OPN3: variants seen among roughly 807,000 people sequenced by gnomAD.
OPN3 encodes the protein opsin-3.
OPN3 carries 29 observed loss-of-function variants against 33.8 expected under a neutral mutation model. The ratio of observed to expected loss-of-function variants is 0.86; its 90% CI spans 0.64 to 1.17. The LOEUF (loss-of-function observed/expected upper bound fraction) is 1.17, where lower values mean the gene tolerates loss of function less well. Among genes scored for constraint, OPN3 ranks in the 50% most tolerant of loss-of-function variants. The probability of loss-of-function intolerance (pLI) is 0.00; values close to 1 mark genes in which losing one functional copy is unlikely to be tolerated. For missense variants in OPN3, 437 were observed against 514.1 expected (o/e 0.85, Z 1.45); for synonymous variants, 216 against 216.1 (o/e 1.00, Z 0.00).
At chr1:241,630,221 T>C (rs901633802) in intron 1 of OPN3, 1 of 152,042 alleles carries the variant, frequency 6.6e-6, no homozygotes, top group Non-Finnish European at 1.5e-5. Context: ...ACTGTAATTC[T>C]GGTTTTCAAA....
intron 3 of OPN3, 93 bp downstream of exon 3, chr1:241,597,653 G>A: frequency 8.8e-7 from 1 of 1,140,140 alleles, no homozygotes; most frequent in Non-Finnish European, 1.2e-6. Context: ...TTTTTTAATT[G>A]AAGCGACTCT....
At chr1:241,618,249 A>G (rs1419066473) in intron 1 of OPN3, among the ~76,000 whole-genome samples, 2 of 152,180 alleles carry the variant, frequency 1.3e-5, no homozygotes, top group African/African-American at 2.4e-5. Flanking sequence ...CTTTCCTTTA[A>G]TAAGAATGCT....
chr1:241,633,874 A>G, intron 1 of OPN3: 1 of 1,613,848 alleles, frequency 6.2e-7, no homozygotes, highest in South Asian at 1.1e-5. Flanking sequence ...TTACTACATT[A>G]TTGGTTCCAG....
chr1:241,612,804 A>T (rs1664031599), intron 1 of OPN3, among the ~76,000 whole-genome samples: 1 of 152,218 alleles, frequency 6.6e-6, no homozygotes, highest in African/African-American at 2.4e-5. Flanking sequence ...CAAAGAATGC[A>T]GTTTCCACAT....
intron 1 of OPN3, chr1:241,630,298 C>T (rs1054171877): frequency 1.3e-5 from 2 of 152,034 alleles, no homozygotes; most frequent in Non-Finnish European, 2.9e-5. Context: ...GGAGTTTGTT[C>T]ATGTTTAAAA....
chr1:241,605,896 TTTTAA>T, intron 1 of OPN3, among the ~76,000 whole-genome samples: 1 of 152,334 alleles, frequency 6.6e-6, no homozygotes. Context: ...GTTTGTGTTA[TTTTAA>T]TTTTTTTTAT....
chr1:241,605,356 C>T (rs1407050405), intron 1 of OPN3, among the ~76,000 whole-genome samples: 1 of 152,164 alleles, frequency 6.6e-6, no homozygotes, highest in Non-Finnish European at 1.5e-5. Flanking sequence ...CCGTAACCTG[C>T]GTACTACCAG....
At position 241,597,944 on chromosome 1, in the gene OPN3, A is replaced by G. The variant is rs1663571365; in HGVS notation, c.747T>C (p.Tyr249=). ...QTIQVIKILK[Y]EKKLAKMCFL... ...AGCACATTTTGGCCAGTTTCTTTTC[A>G]TATTTTAAAATCTTGATCACTTGAA... is the stretch of plus-strand genomic sequence containing the variant. The change falls in exon 3 of 4, where the codon TAT becomes TAC. Residue 249 remains tyrosine (Y), a synonymous_variant. Transcript: ENST00000366554. 6 of 1,613,914 alleles carry G rather than the reference A, an allele frequency of 3.7e-6. No individual in the cohort carries two copies. The highest frequency in any genetic ancestry group is 1.3e-5 in the African/African-American group (1 of 75,024).
rs184691556 is a variant in OPN3 at position 241,593,354 on chromosome 1, T to C, written c.*1074A>G. On this transcript the variant is annotated 3_prime_UTR_variant, in exon 4 of 4. Coordinates refer to ENST00000366554, the MANE Select transcript of OPN3 (RefSeq NM_014322.3). ...TGAAATGTTTTCTTTGGTTCATCCT[T>C]CTTTAACAGGCTGCTGAGTCACTCA... The C allele has an allele frequency of 1.1e-5, 5 of 437,688 alleles. No homozygotes were observed. The East Asian group carries it at 3.5e-4, about 31-fold the overall frequency. 27.1% of individuals were successfully genotyped at this position (437,688 alleles called of 1,614,324 possible). A position where few individuals can be genotyped will look rare whatever the true frequency, so the allele number is the denominator to read the frequency against.
intron 1 of OPN3, among the ~76,000 whole-genome samples, chr1:241,618,378 C>T (rs1053977966): frequency 1.1e-4 from 17 of 152,176 alleles, no homozygotes; most frequent in Admixed American, 3.3e-4. Context: ...TAGGACAGAA[C>T]GTGAATATCT....
In OPN3 at chr1:241,594,363, T is replaced by C; in HGVS notation, c.*65A>G. 4 of 1,539,094 alleles carry C rather than the reference T, an allele frequency of 2.6e-6. No homozygotes were observed. Among genetic ancestry groups the C allele is most frequent in the Admixed American group, 1.8e-5 (1 of 56,806 alleles). On this transcript the variant is annotated 3_prime_UTR_variant, in exon 4 of 4. Coordinates refer to ENST00000366554, the MANE Select transcript of OPN3 (RefSeq NM_014322.3). ...ATAGAACGGGTATTCCAGACACTTC[T>C]TATGATGAAAGTCCAAAAGTGGCAT...
intron 1 of OPN3, chr1:241,635,477 T>C (rs773728806): frequency 1.2e-6 from 2 of 1,613,904 alleles, no homozygotes; most frequent in South Asian, 1.1e-5. Context: ...TTCTGTGTGT[T>C]GAATAGTTTC....
intron 2 of OPN3, chr1:241,601,036 C>T (rs1423916305): frequency 6.6e-6 from 1 of 151,894 alleles, no homozygotes; most frequent in African/African-American, 2.4e-5. Flanking sequence ...AGGAATTAGT[C>T]AAGTAAGGAG....
intron 2 of OPN3, among the ~76,000 whole-genome samples, chr1:241,598,939 G>T (rs927943580): frequency 6.6e-6 from 1 of 151,952 alleles, no homozygotes; most frequent in Non-Finnish European, 1.5e-5. Context: ...TTTATGCCTG[G>T]AAATTTACTG....
chr1:241,630,019 A>G (rs958751009), intron 1 of OPN3: 1 of 152,088 alleles, frequency 6.6e-6, no homozygotes, highest in South Asian at 2.1e-4. Context: ...GGAATGTTAA[A>G]TGGAACTGTA....
rs33992613 is a variant in OPN3 at position 241,618,836 on chromosome 1, C to CT, written c.374-14258dup. The stretch of plus-strand genomic sequence containing the variant: ...AGGCTTTCTTCTTTTCTCATTGTAT[C>CT]TTTTTTTTTTTTTTGGCACACCCAC... On this transcript the variant is annotated intron_variant, in intron 1 of 3. Transcript: ENST00000366554. 9.2e-3 allele frequency among the ~76,000 whole-genome samples: 1,348 copies of CT among 146,066 alleles called. 83 individuals carry two copies. The East Asian group carries it at 0.18, about 19-fold the overall frequency.
intron 1 of OPN3, among the ~76,000 whole-genome samples, chr1:241,608,802 T>C (rs1299450108): frequency 6.6e-6 from 1 of 152,216 alleles, no homozygotes; most frequent in African/African-American, 2.4e-5. Context: ...TTAGTACAGA[T>C]CTAGCAAACC....
chr1:241,635,186 T>G, intron 1 of OPN3: 1 of 1,613,180 alleles, frequency 6.2e-7, no homozygotes, highest in Non-Finnish European at 8.5e-7. Context: ...ATCTCCATCT[T>G]TATCTGAAAC....
At chr1:241,625,070 G>A (rs918319813) in intron 1 of OPN3, among the ~76,000 whole-genome samples, 1 of 152,146 alleles carries the variant, frequency 6.6e-6, no homozygotes, top group African/African-American at 2.4e-5. Flanking sequence ...ACTGGGACAC[G>A]GTTCATGCTC....
Sources: gnomAD v4.1 joint callset for allele counts (sites outside exome capture counted in the v4.1 genomes callset) on GRCh38, gnomAD v4.1.1 for gene constraint, MANE v1.5 for transcripts, NCBI Gene and HGNC (gene_info 2026-07-23, HGNC 2026-07-21) for gene names.